Variants in MYO5B observed in about 807,000 individuals in gnomAD.
MYO5B encodes the protein myosin VB.
Under a neutral mutation model 229.3 loss-of-function variants are expected in MYO5B, and 143 were observed. The ratio of observed to expected loss-of-function variants is 0.62; its 90% CI spans 0.54 to 0.72. The LOEUF (loss-of-function observed/expected upper bound fraction) is 0.72. MYO5B is among the 30% of genes least tolerant of loss of function. The pLI, the probability that MYO5B is intolerant of heterozygous loss-of-function variation, is 0.00. For missense variants in MYO5B, 2,321 were observed against 2,331.0 expected (o/e 1.00, Z 0.09); for synonymous variants, 918 against 885.2 (o/e 1.04, Z -0.66).
intron 12 of MYO5B, among the ~76,000 whole-genome samples, chr18:49,957,185 A>AGTG (rs2025503226): frequency 1.6e-5 from 2 of 122,352 alleles, no homozygotes; most frequent in Non-Finnish European, 3.3e-5. Flanking sequence ...GCAGTGGGGG[A>AGTG]GTGCAAGTTC....
intron 17 of MYO5B, among the ~76,000 whole-genome samples, chr18:49,927,081 G>T (rs1213195728): frequency 6.6e-6 from 1 of 152,152 alleles, no homozygotes; most frequent in African/African-American, 2.4e-5. Flanking sequence ...TCTAGAGATG[G>T]ATGATGGTGA....
intron 4 of MYO5B, among the ~76,000 whole-genome samples, chr18:50,019,110 C>G (rs531280790): frequency 1.1e-4 from 17 of 152,302 alleles, no homozygotes; most frequent in Admixed American, 4.6e-4. Context: ...ACAGTCACAA[C>G]TGACCACTAA....
At chr18:50,183,162 A>G (rs2033096767) in intron 1 of MYO5B, among the ~76,000 whole-genome samples, 1 of 151,874 alleles carries the variant, frequency 6.6e-6, no homozygotes, top group African/African-American at 2.4e-5. Flanking sequence ...GCACGGTAAT[A>G]AAATGAATAC....
intron 14 of MYO5B, chr18:49,946,243 T>C (rs1285827795): frequency 6.6e-6 from 1 of 152,160 alleles, no homozygotes; most frequent in African/African-American, 2.4e-5. Context: ...TTATACTTAC[T>C]GGTTGAGCAT....
At chr18:49,947,101 CTTT>C (rs74176748) in intron 14 of MYO5B, among the ~76,000 whole-genome samples, 18,876 of 107,472 alleles carry the variant, frequency 0.18, 1,091 homozygotes, top group African/African-American at 0.29. Context: ...TCACCAAGCT[CTTT>C]TTTTTTTTTT....
chr18:49,899,254 GA>G (rs201276099), intron 21 of MYO5B, among the ~76,000 whole-genome samples: 25 of 149,832 alleles, frequency 1.7e-4, no homozygotes, highest in African/African-American at 4.6e-4. Flanking sequence ...GGAATTATAG[GA>G]AAAAAAAAAT....
chr18:49,974,289 A>C, intron 10 of MYO5B, 61 bp downstream of exon 10: 1 of 1,609,814 alleles, frequency 6.2e-7, no homozygotes. Flanking sequence ...TGCTGGCTGT[A>C]AAGTATGAGC....
At chr18:50,126,907 G>C (rs1180967381) in intron 1 of MYO5B, among the ~76,000 whole-genome samples, 2 of 152,160 alleles carry the variant, frequency 1.3e-5, no homozygotes, top group Non-Finnish European at 2.9e-5. Flanking sequence ...GTTATTAAAT[G>C]AGCTGACATA....
Position 50,055,307 on chromosome 18 carries a change from T to C in MYO5B, c.99A>G (p.Glu33=). The change falls in exon 2 of 40, where the codon GAA becomes GAG. Residue 33 remains glutamate (E), a synonymous_variant. Coordinates refer to ENST00000285039, the MANE Select transcript of MYO5B (RefSeq NM_001080467.3). ...RSAELTKDYK[E]GDKSLQLRLE... ...GTCTGAGCTGTAGGCTCTTGTCTCCTTCTTTGTAGTCCTTGGTTAACTCAG... is the reference window on the plus strand; with the variant it reads ...GTCTGAGCTGTAGGCTCTTGTCTCCCTCTTTGTAGTCCTTGGTTAACTCAG... The C allele has an allele frequency of 6.5e-7, 1 of 1,549,616 alleles. No homozygotes were observed. The highest frequency in any genetic ancestry group is 2.5e-5 in the East Asian group (1 of 39,920).
chr18:50,071,356 A>C (rs73446635), intron 1 of MYO5B, among the ~76,000 whole-genome samples: 16,954 of 152,204 alleles, frequency 0.11, 1,900 homozygotes, highest in African/African-American at 0.29. Flanking sequence ...AGATGTTTCT[A>C]TTTCCTCAAG....
At chr18:49,898,968 A>G (rs2024811716) in intron 21 of MYO5B, among the ~76,000 whole-genome samples, 1 of 152,196 alleles carries the variant, frequency 6.6e-6, no homozygotes, top group Non-Finnish European at 1.5e-5. Flanking sequence ...CATGGTTATC[A>G]GTGAATTTTT....
chr18:49,845,793 T>G (rs963954571), intron 33 of MYO5B, among the ~76,000 whole-genome samples: 2 of 152,090 alleles, frequency 1.3e-5, no homozygotes, highest in Admixed American at 6.5e-5. Flanking sequence ...CCTGTTGCAG[T>G]GGCCTGTGGC....
intron 21 of MYO5B, among the ~76,000 whole-genome samples, chr18:49,901,059 T>A (rs1224272169): frequency 6.6e-6 from 1 of 152,186 alleles, no homozygotes; most frequent in African/African-American, 2.4e-5. Context: ...TGTATGAAGA[T>A]CAAATAAGAG....
chr18:49,922,537 A>G (rs2025085880), intron 17 of MYO5B, among the ~76,000 whole-genome samples: 1 of 152,182 alleles, frequency 6.6e-6, no homozygotes, highest in South Asian at 2.1e-4. Context: ...AGTACTAACA[A>G]AAGTGACACA....
intron 4 of MYO5B, among the ~76,000 whole-genome samples, chr18:50,012,885 A>G (rs59163993): frequency 0.012 from 1,825 of 152,300 alleles, 35 homozygotes; most frequent in African/African-American, 0.041. Flanking sequence ...GTCCAACCAC[A>G]GGAGAGGCTG....
chr18:49,882,537 T>A (rs561067201), intron 22 of MYO5B, among the ~76,000 whole-genome samples: 5 of 144,160 alleles, frequency 3.5e-5, no homozygotes, highest in African/African-American at 1.0e-4. Flanking sequence ...CCGAAGCAGG[T>A]GAATCACTTG....
intron 2 of MYO5B, among the ~76,000 whole-genome samples, chr18:50,050,824 G>A (rs1363629480): frequency 2.0e-5 from 3 of 152,214 alleles, no homozygotes; most frequent in African/African-American, 7.2e-5. Flanking sequence ...AGGTAAAAGG[G>A]AGGACAAACT....
intron 1 of MYO5B, among the ~76,000 whole-genome samples, chr18:50,143,401 A>G (rs924050445): frequency 2.0e-5 from 3 of 152,180 alleles, no homozygotes; most frequent in Non-Finnish European, 4.4e-5. Context: ...CCCCTCAGTT[A>G]CTAAGAGCAG....
chr18:49,975,533 C>CT (rs901068686), intron 9 of MYO5B, among the ~76,000 whole-genome samples: 1 of 151,998 alleles, frequency 6.6e-6, no homozygotes, highest in African/African-American at 2.4e-5. Context: ...AGAAACTGAA[C>CT]TTTTTTTTCC....
Sources: gnomAD v4.1 joint callset for allele counts (sites outside exome capture counted in the v4.1 genomes callset) on GRCh38, gnomAD v4.1.1 for gene constraint, MANE v1.5 for transcripts, NCBI Gene and HGNC (gene_info 2026-07-23, HGNC 2026-07-21) for gene names.